Variants in PDE10A observed in about 807,000 individuals in gnomAD.
The protein encoded by PDE10A is phosphodiesterase 10A.
In PDE10A, 39 loss-of-function variants were observed where a neutral mutation model predicts 97.7. That is an observed-to-expected ratio of 0.40 (90% confidence interval 0.31 to 0.52). The LOEUF is 0.52. Among genes scored for constraint, PDE10A ranks in the 20% least tolerant of loss-of-function variants. PDE10A has a pLI of 0.56. For synonymous variants in PDE10A, 371 were observed against 376.8 expected (o/e 0.98, Z 0.18); for missense variants, 731 against 1,047.8 (o/e 0.70, Z 4.17).
At position 165,425,770 on chromosome 6, in the gene PDE10A, CGT is replaced by C. The variant is rs57229720; in HGVS notation, c.1653+2886_1653+2887del. On this transcript the variant is annotated intron_variant, in intron 10 of 21. Coordinates refer to ENST00000539869, the MANE Select transcript of PDE10A (RefSeq NM_001385079.1). ...TGTCTCTAATTATAGAAGGCATGAT[CGT>C]GTGTGTGTGTGTGTGTGTGTGTGTG... Among the ~76,000 whole-genome samples the C allele has an allele frequency of 2.9e-3, 420 of 144,080 alleles. 2 individuals carry two copies. Among genetic ancestry groups the C allele is most frequent in the East Asian group, 0.013 (62 of 4,896 alleles). 94.5% of individuals were successfully genotyped at this position (144,080 alleles called of 152,430 possible).
chr6:165,783,435 G>A (rs974697027), intron 1 of PDE10A, among the ~76,000 whole-genome samples: 6 of 152,120 alleles, frequency 3.9e-5, no homozygotes, highest in Non-Finnish European at 8.8e-5. Context: ...TTCTATAGAA[G>A]GAATGAATAA....
At chr6:165,849,415 C>T (rs1297704406) in intron 1 of PDE10A, among the ~76,000 whole-genome samples, 4 of 152,220 alleles carry the variant, frequency 2.6e-5, no homozygotes, top group Non-Finnish European at 4.4e-5. Context: ...ACTGAAATGT[C>T]TAAGACGGCC....
intron 1 of PDE10A, among the ~76,000 whole-genome samples, chr6:165,907,372 G>A (rs1013459546): frequency 2.6e-5 from 4 of 152,210 alleles, no homozygotes; most frequent in African/African-American, 7.2e-5. Context: ...AGGGGTGGGC[G>A]AGAGCCTCCC....
intron 1 of PDE10A, among the ~76,000 whole-genome samples, chr6:165,816,739 G>C (rs1021354137): frequency 3.3e-5 from 5 of 152,228 alleles, no homozygotes; most frequent in African/African-American, 1.2e-4. Context: ...AACACCACCA[G>C]AGTGCCCTGG....
At chr6:165,675,813 T>C (rs1435819788) in intron 1 of PDE10A, among the ~76,000 whole-genome samples, 1 of 152,240 alleles carries the variant, frequency 6.6e-6, no homozygotes, top group Non-Finnish European at 1.5e-5. Flanking sequence ...ATGAAACATA[T>C]ATTCTAGAAT....
chr6:165,448,801 A>G (rs558850278), intron 5 of PDE10A, 127 bp downstream of exon 5: 1 of 625,506 alleles, frequency 1.6e-6, no homozygotes, highest in East Asian at 2.8e-5. Flanking sequence ...CCAAATATAG[A>G]AACAAAACAC....
At position 165,336,674 on chromosome 6, in the gene PDE10A, G is replaced by A. The variant is rs561589858; in HGVS notation, c.2977-463C>T. The stretch of plus-strand genomic sequence containing the variant: ...TGAGGCAGGACAATGGCGTCAACCC[G>A]GGAAGCGGAGCTTGCAGTGAGCCGA... On this transcript the variant is annotated intron_variant, in intron 20 of 21. Coordinates refer to ENST00000539869, the MANE Select transcript of PDE10A (RefSeq NM_001385079.1). 6.6e-5 allele frequency among the ~76,000 whole-genome samples: 10 copies of A among 151,544 alleles called. No homozygotes were observed. In the South Asian group the frequency reaches 8.3e-4, roughly 13 times the overall value.
intron 1 of PDE10A, among the ~76,000 whole-genome samples, chr6:165,683,208 G>A (rs973998261): frequency 2.6e-5 from 4 of 152,134 alleles, no homozygotes; most frequent in Non-Finnish European, 1.5e-5. Context: ...CCTGTGCAGC[G>A]CTCTCCAGTG....
chr6:165,955,512 C>G (rs144148963), intron 1 of PDE10A, among the ~76,000 whole-genome samples: 1 of 152,146 alleles, frequency 6.6e-6, no homozygotes, highest in African/African-American at 2.4e-5. Context: ...CTACCTCCAC[C>G]GTCTGCCTGC....
chr6:165,610,558 TG>T (rs1174625555), intron 1 of PDE10A, among the ~76,000 whole-genome samples: 1 of 144,898 alleles, frequency 6.9e-6, no homozygotes, highest in Non-Finnish European at 1.5e-5. Context: ...AAGAAAGAAA[TG>T]GGGAAAGGAT....
At chr6:165,758,988 G>A in intron 1 of PDE10A, among the ~76,000 whole-genome samples, 1 of 152,156 alleles carries the variant, frequency 6.6e-6, no homozygotes, top group South Asian at 2.1e-4. Context: ...AGGCATCTGA[G>A]GAGACAAGGC....
At chr6:165,597,091 C>T (rs189963171) in intron 1 of PDE10A, among the ~76,000 whole-genome samples, 112 of 152,152 alleles carry the variant, frequency 7.4e-4, no homozygotes, top group Admixed American at 1.2e-3. Context: ...ATCTGACACA[C>T]CACATATTTT....
chr6:165,895,301 A>G (rs887587954), intron 1 of PDE10A, among the ~76,000 whole-genome samples: 2 of 152,202 alleles, frequency 1.3e-5, no homozygotes, highest in Non-Finnish European at 2.9e-5. Context: ...GGAGACAGAC[A>G]TGAGGAGAAG....
chr6:165,778,322 A>C (rs886884383), intron 1 of PDE10A, among the ~76,000 whole-genome samples: 1 of 152,156 alleles, frequency 6.6e-6, no homozygotes, highest in Non-Finnish European at 1.5e-5. Context: ...CACCCGTCTC[A>C]GCCTCCCAAA....
At chr6:165,384,633 T>A (rs1583168175) in intron 17 of PDE10A, among the ~76,000 whole-genome samples, 2 of 69,728 alleles carry the variant, frequency 2.9e-5, no homozygotes, top group Non-Finnish European at 5.5e-5. Context: ...TGTGAGTGAG[T>A]GTGTGTGTGT....
chr6:165,480,443 G>A lies in PDE10A; in HGVS notation c.1023+1872C>T, dbSNP rs1021623821. Among the ~76,000 whole-genome samples the A allele has an allele frequency of 4.6e-5, 7 of 152,164 alleles. No homozygotes were observed. In the South Asian group the frequency reaches 6.2e-4, roughly 14 times the overall value. On this transcript the variant is annotated intron_variant, in intron 3 of 21. Transcript: ENST00000539869. ...TCTCTATTTAAAAAAAAAATTAGCT[G>A]GGCATGGTGGCACAGGCCTGTAGTC...
At chr6:165,799,245 A>G (rs1246125789) in intron 1 of PDE10A, among the ~76,000 whole-genome samples, 1 of 152,224 alleles carries the variant, frequency 6.6e-6, no homozygotes, top group African/African-American at 2.4e-5. Flanking sequence ...AAAACCAGCG[A>G]ATGAGAAAAA....
At chr6:165,693,473 G>GTGAGC (rs1192242895) in intron 1 of PDE10A, among the ~76,000 whole-genome samples, 1 of 141,104 alleles carries the variant, frequency 7.1e-6, no homozygotes, top group Non-Finnish European at 1.5e-5. Context: ...AGAGGTTGCA[G>GTGAGC]TGAGCTGAGA....
At chr6:165,764,932 T>C (rs1458319846) in intron 1 of PDE10A, among the ~76,000 whole-genome samples, 1 of 152,168 alleles carries the variant, frequency 6.6e-6, no homozygotes, top group Non-Finnish European at 1.5e-5. Context: ...GACAGGGCAC[T>C]GATTGGTGCG....
Sources: allele counts gnomAD v4.1 joint callset (sites outside exome capture counted in the v4.1 genomes callset), GRCh38; gene constraint gnomAD v4.1.1; transcripts MANE v1.5; gene names NCBI Gene and HGNC (gene_info 2026-07-23, HGNC 2026-07-21).